The following PPP1R36 variants were observed in gnomAD, a reference collection of about 807,000 sequenced individuals.
PPP1R36 encodes chromosome 14 open reading frame 50.
Under a neutral mutation model 53.4 loss-of-function variants are expected in PPP1R36, and 47 were observed. The observed-to-expected ratio is 0.88, with a 90% CI of 0.70 to 1.12. PPP1R36 has a LOEUF of 1.12. PPP1R36 is among the 50% of genes most tolerant of loss of function. The probability of loss-of-function intolerance (pLI) is 0.00; values close to 1 mark genes in which losing one functional copy is unlikely to be tolerated. For missense variants in PPP1R36, 456 were observed against 513.9 expected (o/e 0.89, Z 1.09); for synonymous variants, 153 against 170.5 (o/e 0.90, Z 0.80).
At chr14:64,587,002 A>G in intron 9 of PPP1R36, 123 bp downstream of exon 9, 1 of 839,440 alleles carries the variant, frequency 1.2e-6, no homozygotes, top group South Asian at 1.7e-5. Context: ...AACAAGCTAT[A>G]TGCTATACCT....
chr14:64,553,865 C>T (rs370966037), intron 3 of PPP1R36, among the ~76,000 whole-genome samples: 9 of 148,610 alleles, frequency 6.1e-5, no homozygotes, highest in Middle Eastern at 3.2e-3. Flanking sequence ...CCCCGGACTA[C>T]GTGGAGTACA....
chr14:64,576,078 C>CT (rs5809235), intron 8 of PPP1R36, among the ~76,000 whole-genome samples: 1,684 of 108,990 alleles, frequency 0.015, 51 homozygotes, highest in African/African-American at 0.053. Flanking sequence ...GACTGAGTAT[C>CT]TTTTTTTTTT....
intron 5 of PPP1R36, 44 bp from the exon 6 acceptor site, chr14:64,565,582 G>A (rs1343745600): frequency 6.5e-7 from 1 of 1,546,386 alleles, no homozygotes; most frequent in Non-Finnish European, 8.9e-7. Context: ...ACTCTCTAAG[G>A]TAGCTCTTTG....
intron 3 of PPP1R36, among the ~76,000 whole-genome samples, chr14:64,554,228 G>A (rs1248858554): frequency 1.5e-5 from 2 of 136,764 alleles, no homozygotes; most frequent in East Asian, 2.3e-4. Context: ...CCTGGCTCAC[G>A]GCAACCTCCC....
intron 8 of PPP1R36, chr14:64,585,992 T>A (rs1596750224): frequency 6.6e-6 from 1 of 152,286 alleles, no homozygotes; most frequent in Non-Finnish European, 1.5e-5. Flanking sequence ...CAGGCTGGAG[T>A]GCAGTGGCAC....
At chr14:64,551,646 G>A (rs1434738254) in intron 2 of PPP1R36, 1 of 456,246 alleles carries the variant, frequency 2.2e-6, no homozygotes, top group Admixed American at 2.3e-5. Context: ...GAAGAAACAA[G>A]GCTCAGGGAG....
chr14:64,550,134 G>T (rs1031782537), intron 1 of PPP1R36, 68 bp downstream of exon 1: 12 of 1,526,678 alleles, frequency 7.9e-6, no homozygotes, highest in African/African-American at 1.4e-5. Flanking sequence ...CCCCCAACCG[G>T]CGCCGCGCCC....
chr14:64,552,426 T>C (rs970626301), intron 2 of PPP1R36, among the ~76,000 whole-genome samples: 13 of 152,104 alleles, frequency 8.5e-5, no homozygotes, highest in Non-Finnish European at 1.9e-4. Context: ...AAAGCAGAGG[T>C]TGCAGTGAGC....
intron 3 of PPP1R36, among the ~76,000 whole-genome samples, chr14:64,556,127 ATTT>A (rs35877479): frequency 1.6e-5 from 2 of 125,396 alleles, no homozygotes; most frequent in African/African-American, 3.0e-5. Context: ...TTGTAGATTG[ATTT>A]TTTTTTTTTT....
chr14:64,564,854 A>G lies in PPP1R36; in HGVS notation c.269+17A>G, dbSNP rs4902293. ...TTCAGACAGGTAGATTAACTTCCCA[A>G]TCATGCCAGAGTTGCTGATAGCATC... On this transcript the variant is annotated intron_variant, in intron 4 of 11. Transcript: ENST00000298705. The G allele has an allele frequency of 0.47, 724,290 of 1,550,704 alleles. 173,554 individuals are homozygous for G. The highest frequency in any genetic ancestry group is 0.65 in the East Asian group (28,188 of 43,210).
intron 10 of PPP1R36, among the ~76,000 whole-genome samples, 154 bp downstream of exon 10, chr14:64,587,526 G>T (rs2080445659): frequency 8.3e-6 from 1 of 120,662 alleles, no homozygotes; most frequent in Admixed American, 1.1e-4. Flanking sequence ...AGTGGCACAA[G>T]CTTGGCTTAC....
intron 7 of PPP1R36, 137 bp from the exon 8 acceptor site, chr14:64,574,313 CCACTG>C (rs1438065800): frequency 1.3e-6 from 1 of 760,714 alleles, no homozygotes; most frequent in African/African-American, 1.8e-5. Flanking sequence ...TGTGATCGCA[CCACTG>C]CACTCCAGCC....
chr14:64,578,896 G>A (rs1347077397), intron 8 of PPP1R36, among the ~76,000 whole-genome samples: 2 of 152,194 alleles, frequency 1.3e-5, no homozygotes, highest in Non-Finnish European at 2.9e-5. Context: ...AGAAAAGGTG[G>A]TACGTTTACA....
chr14:64,571,110 CTGTTTGTTTGTTTGTT>C (rs10638013), intron 7 of PPP1R36, among the ~76,000 whole-genome samples: 4 of 150,396 alleles, frequency 2.7e-5, no homozygotes, highest in Non-Finnish European at 5.9e-5. Flanking sequence ...TATGTATGTA[CTGTTTGTTTGTTTGTT>C]TGTTTGTTTG....
intron 4 of PPP1R36, 115 bp from the exon 5 acceptor site, chr14:64,565,242 G>T (rs113033329): frequency 0.011 from 6,997 of 660,764 alleles, 81 homozygotes; most frequent in South Asian, 0.03. Context: ...CAAAACCCAT[G>T]TATGACACTC....
chr14:64,552,854 C>T lies in PPP1R36; in HGVS notation c.175C>T (p.His59Tyr). Residue 59 changes from histidine to tyrosine, a missense_variant, in exon 3 of 12, where the codon CAC (histidine) becomes TAC (tyrosine). Transcript: ENST00000298705. ...EDSVQWLLKH[H>Y]PHFTPAAEVK... ...TTCTGTCCAGTGGCTCCTGAAACAT[C>T]ACCCTCAGTGAGTGTGAGACAGACA... 4 of 1,613,572 alleles carry T rather than the reference C, an allele frequency of 2.5e-6. No individual in the cohort carries two copies. The South Asian group carries it at 4.4e-5, about 18-fold the overall frequency.
rs2080452760 is a variant in PPP1R36, at chr14:64,588,245, A to G, written c.1032A>G (p.Pro344=). 1.2e-6 allele frequency: 2 copies of G among 1,614,040 alleles called. No individual in the cohort carries two copies. Among genetic ancestry groups the G allele is most frequent in the Middle Eastern group, 1.7e-4 (1 of 6,060 alleles). The part of the protein sequence containing the change: ...KKYHQVDVRF[P]AEMQKHVGTL... ...ATCATCAAGTAGACGTCAGATTCCC[A>G]GCCGAGATGCAAAAGCATGTGGGAA... Residue 344 remains proline, a synonymous_variant, in exon 11 of 12, where the codon CCA becomes CCG. Transcript: ENST00000298705.
chr14:64,587,136 G>GT, intron 9 of PPP1R36, 58 bp from the exon 10 acceptor site: 1 of 1,341,756 alleles, frequency 7.5e-7, no homozygotes, highest in Non-Finnish European at 1.0e-6. Context: ...ATACAGACAG[G>GT]TAAGAGTTTT....
At chr14:64,574,734 C>A in intron 8 of PPP1R36, 145 bp downstream of exon 8, 1 of 804,984 alleles carries the variant, frequency 1.2e-6, no homozygotes, top group Non-Finnish European at 1.9e-6. Context: ...GAATCTGTCC[C>A]AAACCCTTGT....
Sources: gnomAD v4.1 joint callset for allele counts (sites outside exome capture counted in the v4.1 genomes callset) on GRCh38, gnomAD v4.1.1 for gene constraint, MANE v1.5 for transcripts, NCBI Gene and HGNC (gene_info 2026-07-23, HGNC 2026-07-21) for gene names.